The following DRC7 variants were observed in gnomAD, a reference collection of about 807,000 sequenced individuals.
DRC7 encodes dynein regulatory complex subunit 7, also known as coiled-coil domain containing 135.
A neutral mutation model predicts 104.4 loss-of-function variants in DRC7; 80 were observed. The ratio of observed to expected loss-of-function variants is 0.77; its 90% CI spans 0.64 to 0.92. The LOEUF (loss-of-function observed/expected upper bound fraction) is 0.92, where lower values mean the gene tolerates loss of function less well. Among genes scored for constraint, DRC7 ranks in the 40% least tolerant of loss-of-function variants. The pLI is 0.00. For synonymous variants in DRC7, 405 were observed against 447.3 expected (o/e 0.91, Z 1.19); for missense variants, 1,034 against 1,141.1 (o/e 0.91, Z 1.35).
At chr16:57,721,604 C>T in intron 9 of DRC7, 63 bp from the exon 10 acceptor site, 1 of 1,308,336 alleles carries the variant, frequency 7.6e-7, no homozygotes, top group Middle Eastern at 2.2e-4. Context: ...AGAGCTTTGA[C>T]CATAACTTCT....
chr16:57,729,265 A>AATGGATGGATGGGTGGATGG (rs1567890528), intron 17 of DRC7, among the ~76,000 whole-genome samples: 1 of 83,090 alleles, frequency 1.2e-5, no homozygotes, highest in Admixed American at 1.2e-4. Flanking sequence ...TAGATGGGTG[A>AATGGATGGATGGGTGGATGG]ATGGATGGAT....
At chr16:57,705,481 C>A (rs1372868615) in intron 7 of DRC7, among the ~76,000 whole-genome samples, 1 of 149,258 alleles carries the variant, frequency 6.7e-6, no homozygotes, top group African/African-American at 2.5e-5. Flanking sequence ...ATCTGTCCAT[C>A]TCCCATCCAT....
chr16:57,721,548 T>A (rs1417712985), intron 9 of DRC7, 119 bp from the exon 10 acceptor site: 1 of 718,342 alleles, frequency 1.4e-6, no homozygotes, highest in African/African-American at 1.8e-5. Flanking sequence ...CCAGTTCCCC[T>A]GCGGAAGCCA....
chr16:57,712,824 C>A (rs533331288), intron 8 of DRC7, among the ~76,000 whole-genome samples: 32 of 152,236 alleles, frequency 2.1e-4, no homozygotes, highest in African/African-American at 7.5e-4. Context: ...TGCACCACGC[C>A]CAGCTAAGCC....
At position 57,700,264 on chromosome 16, in the gene DRC7, C is replaced by T. The variant is rs755098171; in HGVS notation, c.498C>T (p.Leu166=). Residue 166 remains leucine, a synonymous_variant, in exon 5 of 19, where the codon CTC becomes CTT. Coordinates refer to ENST00000360716, the MANE Select transcript of DRC7 (RefSeq NM_001289162.2). ...FLTMVPLPDP[L]KPPSHLYSST... ...CCATGGTGCCCCTGCCTGACCCTCTCAAGCCGGTAAGCACCACTCACAGGC... is the reference window on the plus strand; with the variant it reads ...CCATGGTGCCCCTGCCTGACCCTCTTAAGCCGGTAAGCACCACTCACAGGC... 2 of 1,610,504 alleles carry T rather than the reference C, an allele frequency of 1.2e-6. No individual in the cohort carries two copies. Among genetic ancestry groups the T allele is most frequent in the Non-Finnish European group, 1.7e-6 (2 of 1,178,772 alleles).
intron 15 of DRC7, 32 bp downstream of exon 15, chr16:57,726,974 C>A (rs138735933): frequency 2.2e-6 from 3 of 1,379,898 alleles, no homozygotes; most frequent in Non-Finnish European, 3.1e-6. Flanking sequence ...AGCAGGTGGG[C>A]GGTATCTTTG....
In DRC7 at chr16:57,731,175, C is replaced by G. The variant is rs1176853690; in HGVS notation, c.2542C>G (p.Leu848Val). ...CCTCTCTGACTTCAGACACAAGGAACTGGCCCCACTGAAGTACCTGGCTCT... is the reference window on the plus strand; with the variant it reads ...CCTCTCTGACTTCAGACACAAGGAAGTGGCCCCACTGAAGTACCTGGCTCT... ...LEQRLNRHKELAPLKYLALEE... is the reference protein window; with the variant it reads ...LEQRLNRHKEVAPLKYLALEE... Residue 848 changes from leucine to valine, a missense_variant, in exon 19 of 19, where the codon CTG becomes GTG. Leu to Val is a conservative substitution (Grantham distance 32). Coordinates refer to ENST00000360716, the MANE Select transcript of DRC7 (RefSeq NM_001289162.2). 6.2e-7 allele frequency: 1 copy of G among 1,613,782 alleles called. No homozygotes were observed.
intron 12 of DRC7, among the ~76,000 whole-genome samples, chr16:57,723,480 C>T (rs2048928841): frequency 6.6e-6 from 1 of 152,190 alleles, no homozygotes; most frequent in East Asian, 1.9e-4. Context: ...CACCTGTAAT[C>T]CAAGCGCTTT....
intron 8 of DRC7, among the ~76,000 whole-genome samples, chr16:57,715,577 G>C (rs553846592): frequency 6.8e-4 from 104 of 152,298 alleles, no homozygotes; most frequent in African/African-American, 2.4e-3. Context: ...CTGATTCCAG[G>C]GTTGTGGGAA....
intron 8 of DRC7, among the ~76,000 whole-genome samples, chr16:57,715,783 C>T (rs2048836470): frequency 6.6e-6 from 1 of 152,194 alleles, no homozygotes; most frequent in Non-Finnish European, 1.5e-5. Flanking sequence ...TCGGTGTCCT[C>T]TGAAGGATAA....
chr16:57,703,582 G>A (rs2048681543), intron 6 of DRC7, among the ~76,000 whole-genome samples: 1 of 152,178 alleles, frequency 6.6e-6, no homozygotes, highest in African/African-American at 2.4e-5. Flanking sequence ...CGAGACAGAA[G>A]GGGAAGCACA....
At chr16:57,730,149 A>G (rs1353649336) in intron 17 of DRC7, among the ~76,000 whole-genome samples, 6 of 106,778 alleles carry the variant, frequency 5.6e-5, no homozygotes, top group African/African-American at 1.1e-4. Flanking sequence ...GGGTGGATGG[A>G]TGGATGGATG....
intron 13 of DRC7, 28 bp downstream of exon 13, chr16:57,724,863 G>A: frequency 5.1e-6 from 8 of 1,572,690 alleles, no homozygotes; most frequent in Non-Finnish European, 6.9e-6. Context: ...CTGGGGACAG[G>A]TCGCCCTCCT....
intron 6 of DRC7, among the ~76,000 whole-genome samples, chr16:57,704,086 C>A (rs981942309): frequency 1.3e-5 from 2 of 151,716 alleles, no homozygotes; most frequent in African/African-American, 4.8e-5. Context: ...AGAGAACTTT[C>A]GGGTTTAAAA....
chr16:57,707,840 A>T (rs1215844307), intron 8 of DRC7, 162 bp downstream of exon 8: 1 of 644,234 alleles, frequency 1.6e-6, no homozygotes, highest in Non-Finnish European at 2.8e-6. Context: ...TCCCTTGCCC[A>T]TGAATAACCA....
chr16:57,717,594 G>A (rs1156613824), intron 8 of DRC7, among the ~76,000 whole-genome samples: 1 of 151,790 alleles, frequency 6.6e-6, no homozygotes, highest in Non-Finnish European at 1.5e-5. Flanking sequence ...AGCTACTCAG[G>A]AGGCTGAGGC....
chr16:57,718,576 C>T, intron 9 of DRC7, 101 bp downstream of exon 9: 1 of 1,370,900 alleles, frequency 7.3e-7, no homozygotes, highest in South Asian at 1.3e-5. Flanking sequence ...GGGGATGGCC[C>T]AAGTAGACCA....
Position 57,707,770 on chromosome 16 carries a change from G to C in DRC7, c.1077+92G>C, listed in dbSNP as rs771926649. 4.2e-6 allele frequency: 5 copies of C among 1,186,274 alleles called. No homozygotes were observed. The East Asian group carries it at 1.0e-4, about 24-fold the overall frequency. 73.5% of individuals were successfully genotyped at this position (1,186,274 alleles called of 1,614,324 possible). ...CAATGGCAGCCAGACCTTGGGGAGAGCGAGACACCAGGCCACGAGGGCTTT... is the reference window on the plus strand; with the variant it reads ...CAATGGCAGCCAGACCTTGGGGAGACCGAGACACCAGGCCACGAGGGCTTT... On this transcript the variant is annotated intron_variant, in intron 8 of 18. Coordinates refer to ENST00000360716, the MANE Select transcript of DRC7 (RefSeq NM_001289162.2).
intron 13 of DRC7, among the ~76,000 whole-genome samples, chr16:57,725,209 G>C (rs1360542515): frequency 3.3e-5 from 5 of 152,076 alleles, no homozygotes; most frequent in South Asian, 2.1e-4. Context: ...CAGCAGGAGA[G>C]AGAATAAGTG....
Sources: allele counts gnomAD v4.1 joint callset (sites outside exome capture counted in the v4.1 genomes callset), GRCh38; gene constraint gnomAD v4.1.1; transcripts MANE v1.5; gene names NCBI Gene and HGNC (gene_info 2026-07-23, HGNC 2026-07-21).